The following NAPG variants were observed in gnomAD, a reference collection of about 807,000 sequenced individuals.
NAPG encodes NSF attachment protein gamma.
A neutral mutation model predicts 48.4 loss-of-function variants in NAPG; 25 were observed. The ratio of observed to expected loss-of-function variants is 0.52; its 90% CI spans 0.38 to 0.72. The LOEUF is 0.72. NAPG is among the 30% of genes least tolerant of loss of function. NAPG has a pLI of 0.00. For synonymous variants in NAPG, 139 were observed against 127.2 expected, an observed-to-expected ratio of 1.09 and a Z score of -0.62; for missense variants, 359 against 372.5, an observed-to-expected ratio of 0.96 and a Z score of 0.30.
chr18:10,547,829 T>G (rs1242223342), intron 9 of NAPG, among the ~76,000 whole-genome samples: 9 of 152,254 alleles, frequency 5.9e-5, no homozygotes, highest in Non-Finnish European at 8.8e-5. Context: ...CTATCATTGT[T>G]TCTGTTATCT....
chr18:10,542,628 A>G lies in NAPG; in HGVS notation c.506+2229A>G, dbSNP rs2032179095. 6.6e-6 allele frequency among the ~76,000 whole-genome samples: 1 copy of G among 152,218 alleles called. No individual in the cohort carries two copies. The highest frequency in any genetic ancestry group is 2.1e-4 in the South Asian group (1 of 4,832). Reference sequence around the variant, plus strand: ...TGCTTCACACAAGCAACATCTACTAATAGACTGTGTGGCATGGAGTCTAAA... The same window carrying G: ...TGCTTCACACAAGCAACATCTACTAGTAGACTGTGTGGCATGGAGTCTAAA... On this transcript the variant is annotated intron_variant, in intron 8 of 11. Transcript: ENST00000322897. This position sits in a 1 kb window ranked among gnomAD's most constrained non-coding sequence, Gnocchi z 4.5.
intron 1 of NAPG, among the ~76,000 whole-genome samples, chr18:10,529,769 C>G (rs980262595): frequency 6.6e-6 from 1 of 152,072 alleles, no homozygotes; most frequent in East Asian, 1.9e-4. Context: ...AAAAAAGAAG[C>G]TATGACTTTG....
At chr18:10,545,511 G>A (rs58210638) in intron 8 of NAPG, among the ~76,000 whole-genome samples, 2,855 of 152,244 alleles carry the variant, frequency 0.019, 89 homozygotes, top group African/African-American at 0.063. Context: ...GACTGTTATT[G>A]GGATGAGAGC....
At chr18:10,527,217 G>C (rs944315579) in intron 1 of NAPG, among the ~76,000 whole-genome samples, 2 of 147,586 alleles carry the variant, frequency 1.4e-5, no homozygotes, top group African/African-American at 5.0e-5. Flanking sequence ...AAAAGAAAAA[G>C]TCAGCATTGT....
rs867097098 is a variant in NAPG, at chr18:10,544,757, A to G, written c.507-1569A>G. Among the ~76,000 whole-genome samples the G allele has an allele frequency of 1.3e-5, 2 of 152,338 alleles. No homozygotes were observed. The highest frequency in any genetic ancestry group is 4.1e-4 in the South Asian group (2 of 4,826). On this transcript the variant is annotated intron_variant, in intron 8 of 11. Transcript: ENST00000322897. The surrounding 1 kb of genome is among the most constrained non-coding windows in gnomAD (Gnocchi z 5.1). ...ATAGAGGAAATGTTTACAAGGGGCAAGAATCGGGAGCACTCTTAGAATTCT... is the reference window on the plus strand; with the variant it reads ...ATAGAGGAAATGTTTACAAGGGGCAGGAATCGGGAGCACTCTTAGAATTCT...
Position 10,526,141 on chromosome 18 carries a change from C to G in NAPG, c.39C>G (p.Leu13=). ...AGATAAACGAGGGGCTGGAACACCTCGCCAAAGCAGAGAAATAGTGAGTGA... is the reference window on the plus strand; with the variant it reads ...AGATAAACGAGGGGCTGGAACACCTGGCCAAAGCAGAGAAATAGTGAGTGA... ...AQKINEGLEH[L]AKAEKYLKTG... Residue 13 remains leucine, a synonymous_variant, in exon 1 of 12, where the codon CTC becomes CTG. Transcript: ENST00000322897. 1 of 1,613,646 alleles carries G rather than the reference C, an allele frequency of 6.2e-7. No individual in the cohort carries two copies. The highest frequency in any genetic ancestry group is 8.5e-7 in the Non-Finnish European group (1 of 1,179,694).
chr18:10,548,980 A>G lies in NAPG; in HGVS notation c.679A>G (p.Asn227Asp), dbSNP rs757688551. Reference sequence around the variant, plus strand: ...TGCTTACTGCAGCATCCCTGGGTTCAATGGCAGTGAAGACTGTGCTGCCCT... The same window carrying G: ...TGCTTACTGCAGCATCCCTGGGTTCGATGGCAGTGAAGACTGTGCTGCCCT... Reference protein sequence around the residue: ...VRESYSIPGFNGSEDCAALEQ... With the variant: ...VRESYSIPGFDGSEDCAALEQ... Residue 227 changes from asparagine (N) to aspartate (D), a missense_variant, in exon 11 of 12, where the codon AAT (asparagine) becomes GAT (aspartate). Physicochemically the swap from Asn to Asp is conservative, Grantham distance 23. Coordinates refer to ENST00000322897, the MANE Select transcript of NAPG (RefSeq NM_003826.3). This position sits in a 1 kb window ranked among gnomAD's most constrained non-coding sequence, Gnocchi z 4.4. The G allele has an allele frequency of 1.2e-5, 19 of 1,613,640 alleles. No individual in the cohort carries two copies. Among genetic ancestry groups the G allele is most frequent in the Non-Finnish European group, 1.4e-5 (17 of 1,179,690 alleles).
In NAPG at chr18:10,546,254, T is replaced by C; in HGVS notation, c.507-72T>C. On this transcript the variant is annotated intron_variant, in intron 8 of 11. Transcript: ENST00000322897. The surrounding 1 kb of genome is among the most constrained non-coding windows in gnomAD (Gnocchi z 4.0). The stretch of plus-strand genomic sequence containing the variant: ...TGTCTCTACAATCTATGATGTCAAG[T>C]ACATTTCACAGGGGACCTCTGCTAT... The C allele has an allele frequency of 1.1e-6, 1 of 935,768 alleles. No homozygotes were observed. The highest frequency in any genetic ancestry group is 2.8e-5 in the East Asian group (1 of 35,868). 58.0% of individuals were successfully genotyped at this position (935,768 alleles called of 1,614,324 possible).
rs540017741 is a variant in NAPG, at chr18:10,526,232, G to A, written c.56+74G>A. On this transcript the variant is annotated intron_variant, in intron 1 of 11. Transcript: ENST00000322897. ...CTCACTGGCGCGGCCTTAGCACCCG[G>A]GGGGGGCGGGAGGGAGGGCTCAGGG... 17 of 939,572 alleles carry A rather than the reference G, an allele frequency of 1.8e-5. 1 individual carries two copies. The highest frequency in any genetic ancestry group is 1.0e-4 in the South Asian group (8 of 77,686). 58.2% of individuals were successfully genotyped at this position (939,572 alleles called of 1,614,324 possible). A position where few individuals can be genotyped will look rare whatever the true frequency, so the allele number is the denominator to read the frequency against.
chr18:10,539,517 T>A lies in NAPG; in HGVS notation c.259-245T>A. ...TCACACTCCTGGGCCTGTCGGGGGC[T>A]GGGGAATAAGGGGAGGGAGAGCACT... is the stretch of plus-strand genomic sequence containing the variant. On this transcript the variant is annotated intron_variant, in intron 5 of 11. Coordinates refer to ENST00000322897, the MANE Select transcript of NAPG (RefSeq NM_003826.3). The surrounding 1 kb of genome is among the most constrained non-coding windows in gnomAD (Gnocchi z 4.7). 2.5e-6 allele frequency: 1 copy of A among 406,588 alleles called. No individual in the cohort carries two copies. Among genetic ancestry groups the A allele is most frequent in the Admixed American group, 3.8e-5 (1 of 26,484 alleles). The allele number at this position is 406,588 out of a possible 1,614,324, so 25.2% of individuals were successfully genotyped here. A position where few individuals can be genotyped will look rare whatever the true frequency, so the allele number is the denominator to read the frequency against.
In NAPG at chr18:10,548,900, A is replaced by G; in HGVS notation, c.666-67A>G. The G allele has an allele frequency of 6.4e-7, 1 of 1,562,514 alleles. No homozygotes were observed. Among genetic ancestry groups the G allele is most frequent in the South Asian group, 1.2e-5 (1 of 85,748 alleles). On this transcript the variant is annotated intron_variant, in intron 10 of 11. Transcript: ENST00000322897. This position sits in a 1 kb window ranked among gnomAD's most constrained non-coding sequence, Gnocchi z 4.4. ...GACAGTGTCACATGCCAGGGGCAGA[A>G]TCATCCCTGCCTGAGATGTGTTCTT...
In NAPG at chr18:10,534,637, C is replaced by T. The variant is rs570368331; in HGVS notation, c.258+141C>T. The T allele has an allele frequency of 6.6e-4, 456 of 695,772 alleles. 2 individuals carry two copies. Among genetic ancestry groups the T allele is most frequent in the South Asian group, 5.9e-3 (355 of 60,636 alleles). The allele number at this position is 695,772 out of a possible 1,614,324, so 43.1% of individuals were successfully genotyped here. A position where few individuals can be genotyped will look rare whatever the true frequency, so the allele number is the denominator to read the frequency against. ...AGTTAAGATTTTCTGTCCACGGTAA[C>T]GTTAATTGGACCCATAGAATACATT... On this transcript the variant is annotated intron_variant, in intron 5 of 11. Transcript: ENST00000322897. This position sits in a 1 kb window ranked among gnomAD's most constrained non-coding sequence, Gnocchi z 5.0.
chr18:10,545,235 C>A (rs528892757), intron 8 of NAPG, among the ~76,000 whole-genome samples: 55 of 152,192 alleles, frequency 3.6e-4, no homozygotes, highest in African/African-American at 1.2e-3. Context: ...TCACTTGAAC[C>A]CGGGAGGCAG....
At chr18:10,533,475 C>A (rs907272253) in intron 3 of NAPG, 61 bp from the exon 4 acceptor site, 5 of 1,432,042 alleles carry the variant, frequency 3.5e-6, no homozygotes, top group South Asian at 1.3e-5. Flanking sequence ...AATAGTTGAT[C>A]TATAGAAACT....
At chr18:10,530,904 C>T in intron 2 of NAPG, 67 bp downstream of exon 2, 3 of 1,204,938 alleles carry the variant, frequency 2.5e-6, no homozygotes, top group Non-Finnish European at 3.4e-6. Flanking sequence ...CTTCATTTCA[C>T]CATAATACTT....
In NAPG at chr18:10,544,862, C is replaced by T. The variant is rs765152209; in HGVS notation, c.507-1464C>T. Among the ~76,000 whole-genome samples, 47 of 152,294 alleles carry T rather than the reference C, an allele frequency of 3.1e-4. No individual in the cohort carries two copies. The highest frequency in any genetic ancestry group is 3.4e-3 in the Middle Eastern group (1 of 294). On this transcript the variant is annotated intron_variant, in intron 8 of 11. Coordinates refer to ENST00000322897, the MANE Select transcript of NAPG (RefSeq NM_003826.3). The surrounding 1 kb of genome is among the most constrained non-coding windows in gnomAD (Gnocchi z 5.1). ...CTGTGGAAATTCAGAATGCATTTCT[C>T]CTATGAGTGTCATTTTATAAGGCAC... is the stretch of plus-strand genomic sequence containing the variant.
rs916374705 is a variant in NAPG, at chr18:10,544,975, GGT to G, written c.507-1338_507-1337del. ...GCATAAGCCAAGCCACTGTGTGTGT[GGT>G]GTGTGTGTGTGTCTGTGTATACATG... On this transcript the variant is annotated intron_variant, in intron 8 of 11. Coordinates refer to ENST00000322897, the MANE Select transcript of NAPG (RefSeq NM_003826.3). This position sits in a 1 kb window ranked among gnomAD's most constrained non-coding sequence, Gnocchi z 5.1. 3.3e-5 allele frequency among the ~76,000 whole-genome samples: 5 copies of G among 151,776 alleles called. No individual in the cohort carries two copies. The highest frequency in any genetic ancestry group is 7.3e-5 in the African/African-American group (3 of 41,318).
rs374058363 is a variant in NAPG at position 10,532,713 on chromosome 18, G to T, written c.127G>T (p.Val43Phe). 2.5e-6 allele frequency: 4 copies of T among 1,573,530 alleles called. No homozygotes were observed. The highest frequency in any genetic ancestry group is 1.2e-5 in the South Asian group (1 of 84,564). ...GTCAATTTTTTTTTCTATTTCAGCTGTTGCTTTTAAAAATGCCAAACAGTT... is the reference window on the plus strand; with the variant it reads ...GTCAATTTTTTTTTCTATTTCAGCTTTTGCTTTTAAAAATGCCAAACAGTT... ...SAASEYGKAA[V>F]AFKNAKQFEQ... is the part of the protein sequence containing the mutation. The change falls in exon 3 of 12, where the codon GTT (valine) becomes TTT (phenylalanine). Residue 43 changes from valine (V) to phenylalanine (F), a missense_variant and splice_region_variant. Transcript: ENST00000322897.
At position 10,539,992 on chromosome 18, in the gene NAPG, A is replaced by G. The variant is rs1333215778; in HGVS notation, c.373A>G (p.Ile125Val). 3.1e-6 allele frequency: 5 copies of G among 1,603,724 alleles called. No individual in the cohort carries two copies. In the Admixed American group the frequency reaches 5.1e-5, roughly 16 times the overall value. ...AMALERAGKL[I>V]ENVDPEKAVQ... is the part of the protein sequence containing the mutation. ...ATGTTTTCTTGTCTGATTCAGGCTT[A>G]TAGAAAATGTTGATCCAGAGAAGGC... is the stretch of plus-strand genomic sequence containing the variant. Residue 125 changes from isoleucine (I) to valine (V), a missense_variant, in exon 7 of 12, where the codon ATA becomes GTA. Transcript: ENST00000322897. The surrounding 1 kb of genome is among the most constrained non-coding windows in gnomAD (Gnocchi z 4.7).
Sources: gnomAD v4.1 joint callset for allele counts (sites outside exome capture counted in the v4.1 genomes callset) on GRCh38, gnomAD v4.1.1 for gene constraint, Gnocchi (gnomAD v3.1) non-coding constraint, MANE v1.5 for transcripts, NCBI Gene and HGNC (gene_info 2026-07-23, HGNC 2026-07-21) for gene names.